Variants in MYO18B observed in about 807,000 individuals in gnomAD.
MYO18B encodes the protein unconventional myosin-XVIIIb.
MYO18B carries 204 observed loss-of-function variants against 273.0 expected under a neutral mutation model. The observed-to-expected ratio is 0.75, with a 90% CI of 0.67 to 0.84. The LOEUF is 0.84. Ranked by LOEUF, MYO18B falls within the 40% of genes least tolerant of loss-of-function variation. The pLI is 0.00. For missense variants in MYO18B, 3,212 were observed against 3,287.6 expected (o/e 0.98, Z 0.56); for synonymous variants, 1,330 against 1,305.7 (o/e 1.02, Z -0.40).
At chr22:25,885,715 T>C (rs2091477817) in intron 25 of MYO18B, among the ~76,000 whole-genome samples, 1 of 152,078 alleles carries the variant, frequency 6.6e-6, no homozygotes, top group South Asian at 2.1e-4. Context: ...AAAAGAGGTA[T>C]GTGGGTGTCA....
At chr22:25,808,052 G>C (rs2088564155) in intron 12 of MYO18B, among the ~76,000 whole-genome samples, 1 of 152,190 alleles carries the variant, frequency 6.6e-6, no homozygotes, top group African/African-American at 2.4e-5. Flanking sequence ...GGTGGGGATG[G>C]AATGGCTCCT....
chr22:25,933,084 T>G (rs2092530098), intron 34 of MYO18B, among the ~76,000 whole-genome samples: 1 of 152,194 alleles, frequency 6.6e-6, no homozygotes. Flanking sequence ...AGTCTGTCTT[T>G]TTTTATGATA....
intron 12 of MYO18B, among the ~76,000 whole-genome samples, chr22:25,799,159 G>GTT (rs1341810767): frequency 6.6e-6 from 1 of 151,482 alleles, no homozygotes; most frequent in East Asian, 1.9e-4. Flanking sequence ...GTGTGTGTGT[G>GTT]TGCTTGGATA....
At chr22:25,946,795 T>C (rs2092717555) in intron 35 of MYO18B, among the ~76,000 whole-genome samples, 1 of 152,146 alleles carries the variant, frequency 6.6e-6, no homozygotes, top group Admixed American at 6.5e-5. Context: ...ATGTCCCCTC[T>C]AGTAAGTGGA....
At chr22:25,881,050 A>G (rs993907247) in intron 25 of MYO18B, among the ~76,000 whole-genome samples, 2 of 152,234 alleles carry the variant, frequency 1.3e-5, no homozygotes, top group African/African-American at 2.4e-5. Context: ...TTAATGGACA[A>G]TGGTAACTGT....
intron 33 of MYO18B, among the ~76,000 whole-genome samples, chr22:25,912,335 C>T (rs1271092377): frequency 1.3e-5 from 2 of 152,148 alleles, no homozygotes; most frequent in Non-Finnish European, 2.9e-5. Flanking sequence ...CAAGAGAGCA[C>T]AGCCCAGTAC....
At chr22:25,944,881 G>A (rs62227571) in intron 34 of MYO18B, among the ~76,000 whole-genome samples, 2 of 150,144 alleles carry the variant, frequency 1.3e-5, no homozygotes, top group Non-Finnish European at 3.0e-5. Context: ...TTAGAGTTCA[G>A]AAGAGGCAGC....
At chr22:26,008,079 A>G (rs1483655918) in intron 42 of MYO18B, among the ~76,000 whole-genome samples, 2 of 152,238 alleles carry the variant, frequency 1.3e-5, no homozygotes, top group East Asian at 3.8e-4. Flanking sequence ...TTTTTACAAT[A>G]TACTTCTTTC....
the MYO18B span, among the ~76,000 whole-genome samples, chr22:26,060,412 C>G: frequency 7.9e-5 from 12 of 152,208 alleles, no homozygotes; most frequent in Non-Finnish European, 1.0e-4. Context: ...TTCTGCTGGT[C>G]CATGACCTCC....
At chr22:25,999,393 G>T (rs1302668883) in intron 40 of MYO18B, among the ~76,000 whole-genome samples, 3 of 152,124 alleles carry the variant, frequency 2.0e-5, no homozygotes, top group African/African-American at 7.2e-5. Flanking sequence ...TTTGCATTTA[G>T]ACTGGAATTG....
intron 11 of MYO18B, 59 bp downstream of exon 11, chr22:25,785,550 G>C: frequency 6.5e-7 from 1 of 1,548,352 alleles, no homozygotes. Context: ...TAGATGGGAG[G>C]GTGATGAGTC....
At chr22:25,892,730 G>A (rs1487011835) in intron 27 of MYO18B, 1 of 152,230 alleles carries the variant, frequency 6.6e-6, no homozygotes, top group African/African-American at 2.4e-5. Flanking sequence ...TTAGCAGGGA[G>A]GTTAATACAG....
chr22:25,843,584 A>G, intron 17 of MYO18B, 151 bp from the exon 18 acceptor site: 3 of 683,232 alleles, frequency 4.4e-6, no homozygotes, highest in Non-Finnish European at 7.0e-6. Flanking sequence ...ACACAAATTC[A>G]CTACAGCAGG....
chr22:26,038,355 A>G, the MYO18B span, among the ~76,000 whole-genome samples: 1 of 152,272 alleles, frequency 6.6e-6, no homozygotes, highest in East Asian at 1.9e-4. Flanking sequence ...TGGGCAAGGT[A>G]TGTAGCCTCT....
intron 1 of MYO18B, among the ~76,000 whole-genome samples, chr22:25,747,850 G>A (rs575293385): frequency 1.3e-4 from 20 of 152,260 alleles, no homozygotes; most frequent in African/African-American, 3.9e-4. Context: ...AAACCGCTCC[G>A]TGAAGTGGGT....
the MYO18B span, among the ~76,000 whole-genome samples, chr22:26,048,547 C>T: frequency 2.0e-5 from 3 of 152,158 alleles, no homozygotes; most frequent in African/African-American, 7.2e-5. Context: ...TGGCGCAGAA[C>T]ATGCCAGACC....
chr22:25,990,702 AAAAAAAAAAAAAAAAAAAGAAAAAG>A (rs1442712241), intron 39 of MYO18B, among the ~76,000 whole-genome samples: 19,192 of 76,950 alleles, frequency 0.25, 4,876 homozygotes, highest in Non-Finnish European at 0.33. Flanking sequence ...AAAAAAAAAA[AAAAAAAAAAAAAAAAAAAGAAAAAG>A]AAAAAAAAAA....
At chr22:25,784,227 G>A (rs1435428493) in intron 10 of MYO18B, among the ~76,000 whole-genome samples, 1 of 152,150 alleles carries the variant, frequency 6.6e-6, no homozygotes, top group African/African-American at 2.4e-5. Context: ...TGTTCTTTCT[G>A]CTTTCCCAGT....
chr22:25,769,255 G>A lies in MYO18B; in HGVS notation c.1339G>A (p.Glu447Lys), dbSNP rs1369068059. ...AGGAAGCCGTGGGCAGGAAGCAGAGGAGCCCTGCTCAAGAGCAGGTGATGG... is the reference window on the plus strand; with the variant it reads ...AGGAAGCCGTGGGCAGGAAGCAGAGAAGCCCTGCTCAAGAGCAGGTGATGG... The part of the protein sequence containing the change: ...WPGSRGQEAE[E>K]PCSRAGDGAG... The change falls in exon 4 of 44, where the codon GAG becomes AAG. Residue 447 changes from glutamate (E) to lysine (K), a missense_variant. Physicochemically the swap from Glu to Lys is moderately conservative, Grantham distance 56. Transcript: ENST00000335473. The A allele has an allele frequency of 1.3e-6, 2 of 1,594,530 alleles. No homozygotes were observed. Among genetic ancestry groups the A allele is most frequent in the South Asian group, 2.3e-5 (2 of 87,902 alleles).
Sources: gnomAD v4.1 joint callset for allele counts (sites outside exome capture counted in the v4.1 genomes callset) on GRCh38, gnomAD v4.1.1 for gene constraint, MANE v1.5 for transcripts, NCBI Gene and HGNC (gene_info 2026-07-23, HGNC 2026-07-21) for gene names.